Variants in PRTN3 observed in about 807,000 individuals in gnomAD.
PRTN3 encodes the protein myeloblastin.
In PRTN3, 22 loss-of-function variants were observed where a neutral mutation model predicts 20.7. That is an observed-to-expected ratio of 1.06 (90% CI 0.76 to 1.52). The LOEUF (loss-of-function observed/expected upper bound fraction) is 1.52, where lower values mean the gene tolerates loss of function less well. Among genes scored for constraint, PRTN3 ranks in the 40% most tolerant of loss-of-function variants. The probability of loss-of-function intolerance (pLI) is 0.00; values close to 1 mark genes in which losing one functional copy is unlikely to be tolerated. For missense variants in PRTN3, 378 were observed against 359.6 expected, an observed-to-expected ratio of 1.05 and a Z score of -0.41; for synonymous variants, 173 against 152.9, an observed-to-expected ratio of 1.13 and a Z score of -0.97.
In PRTN3 at chr19:846,390, G is replaced by A. The variant is rs2035517346; in HGVS notation, c.600+13G>A. 4 of 1,547,936 alleles carry A rather than the reference G, an allele frequency of 2.6e-6. No homozygotes were observed. Among genetic ancestry groups the A allele is most frequent in the Middle Eastern group, 3.4e-4 (2 of 5,876 alleles). On this transcript the variant is annotated intron_variant, in intron 4 of 4. Coordinates refer to ENST00000234347, the MANE Select transcript of PRTN3 (RefSeq NM_002777.4). The stretch of plus-strand genomic sequence containing the variant: ...CGGCATCTGCTTCGTAAGTAACCGT[G>A]CCCCCACCCCGGGCACCGGGCTGCC...
In PRTN3 at chr19:847,780, G is replaced by A. The variant is rs1456736515; in HGVS notation, c.601-19G>A. On this transcript the variant is annotated intron_variant, in intron 4 of 4. Coordinates refer to ENST00000234347, the MANE Select transcript of PRTN3 (RefSeq NM_002777.4). ...CTCAGGTGGCCCCTGATGGGTGACT[G>A]GCCGTCCCTGTCCTCCAGGGAGACT... is the stretch of plus-strand genomic sequence containing the variant. 1 of 1,598,586 alleles carries A rather than the reference G, an allele frequency of 6.3e-7. No homozygotes were observed. The highest frequency in any genetic ancestry group is 8.5e-7 in the Non-Finnish European group (1 of 1,171,490).
At position 843,466 on chromosome 19, in the gene PRTN3, G is replaced by A; in HGVS notation, c.67G>A (p.Ala23Thr). 6.4e-7 allele frequency: 1 copy of A among 1,563,878 alleles called. No individual in the cohort carries two copies. Among genetic ancestry groups the A allele is most frequent in the South Asian group, 1.2e-5 (1 of 85,820 alleles). The change falls in exon 2 of 5, where the codon GCC becomes ACC. Residue 23 changes from alanine (A) to threonine (T), a missense_variant. Physicochemically the swap from Ala to Thr is moderately conservative, Grantham distance 58. Transcript: ENST00000234347. Reference protein sequence around the residue: ...VLLALLLSGAARAAEIVGGHE... With the variant: ...VLLALLLSGATRAAEIVGGHE... ...CCTGGACTCCCCCCCTGCAGGTGCT[G>A]CCCGAGCTGCGGAGATCGTGGGCGG...
Position 846,435 on chromosome 19 carries a change from G to T in PRTN3, c.600+58G>T, listed in dbSNP as rs2035518228. 40 of 1,489,116 alleles carry T rather than the reference G, an allele frequency of 2.7e-5. 1 individual carries two copies. The South Asian group carries it at 4.4e-4, about 16-fold the overall frequency. 92.2% of individuals were successfully genotyped at this position (1,489,116 alleles called of 1,614,324 possible). A position where few individuals can be genotyped will look rare whatever the true frequency, so the allele number is the denominator to read the frequency against. Reference sequence around the variant, plus strand: ...GCTGCCATGAGGGGAGGAGGGCGGCGGCCAGGGTTCCACGCCACCTCTTAG... The same window carrying T: ...GCTGCCATGAGGGGAGGAGGGCGGCTGCCAGGGTTCCACGCCACCTCTTAG... On this transcript the variant is annotated intron_variant, in intron 4 of 4. Transcript: ENST00000234347.
At chr19:847,472 GAGAA>G (rs926239347) in intron 4 of PRTN3, among the ~76,000 whole-genome samples, 41 of 137,408 alleles carry the variant, frequency 3.0e-4, no homozygotes, top group African/African-American at 4.6e-4. Context: ...AAAACAAAAG[GAGAA>G]AGAAAGAAAG....
At chr19:846,798 A>C (rs889883221) in intron 4 of PRTN3, among the ~76,000 whole-genome samples, 3 of 152,116 alleles carry the variant, frequency 2.0e-5, no homozygotes, top group Non-Finnish European at 4.4e-5. Flanking sequence ...GCTGGAGTGC[A>C]GTGGTGAGAT....
At chr19:842,027 CT>C (rs919331270) in intron 1 of PRTN3, among the ~76,000 whole-genome samples, 1,274 of 111,532 alleles carry the variant, frequency 0.011, 9 homozygotes, top group Non-Finnish European at 0.017. Context: ...GCGCCTGGCC[CT>C]TTTTTTTTCT....
At position 846,431 on chromosome 19, in the gene PRTN3, C is replaced by T. The variant is rs542111448; in HGVS notation, c.600+54C>T. The T allele has an allele frequency of 7.0e-5, 105 of 1,502,086 alleles. 1 individual carries two copies. The highest frequency in any genetic ancestry group is 1.5e-4 in the East Asian group (6 of 40,112). The allele number at this position is 1,502,086 out of a possible 1,614,324, so 93.0% of individuals were successfully genotyped here. A position where few individuals can be genotyped will look rare whatever the true frequency, so the allele number is the denominator to read the frequency against. On this transcript the variant is annotated intron_variant, in intron 4 of 4. Coordinates refer to ENST00000234347, the MANE Select transcript of PRTN3 (RefSeq NM_002777.4). ...CCGGGCTGCCATGAGGGGAGGAGGG[C>T]GGCGGCCAGGGTTCCACGCCACCTC... is the stretch of plus-strand genomic sequence containing the variant.
At chr19:841,478 G>C (rs939457451) in intron 1 of PRTN3, among the ~76,000 whole-genome samples, 1 of 150,484 alleles carries the variant, frequency 6.6e-6, no homozygotes, top group African/African-American at 2.5e-5. Flanking sequence ...ATCAATGAGT[G>C]AGTGAATGAA....
chr19:847,874 A>G lies in PRTN3; in HGVS notation c.676A>G (p.Thr226Ala). 6.2e-7 allele frequency: 1 copy of G among 1,607,348 alleles called. No homozygotes were observed. Among genetic ancestry groups the G allele is most frequent in the South Asian group, 1.1e-5 (1 of 89,776 alleles). Residue 226 changes from threonine (T) to alanine (A), a missense_variant, in exon 5 of 5, where the codon ACC becomes GCC. By Grantham distance (58) the Thr-to-Ala change is moderately conservative. Coordinates refer to ENST00000234347, the MANE Select transcript of PRTN3 (RefSeq NM_002777.4). ...CTCCTTCGTGATCTGGGGATGTGCC[A>G]CCCGCCTTTTCCCTGACTTCTTCAC... Reference protein sequence around the residue: ...IDSFVIWGCATRLFPDFFTRV... With the variant: ...IDSFVIWGCAARLFPDFFTRV...
At chr19:845,491 G>T (rs1287986204) in intron 3 of PRTN3, among the ~76,000 whole-genome samples, 1 of 151,924 alleles carries the variant, frequency 6.6e-6, no homozygotes, top group Non-Finnish European at 1.5e-5. Context: ...GAGGCGGGCG[G>T]ATCGCCTGAG....
chr19:843,344 C>T, intron 1 of PRTN3, 117 bp from the exon 2 acceptor site: 1 of 1,135,422 alleles, frequency 8.8e-7, no homozygotes, highest in Non-Finnish European at 1.2e-6. Flanking sequence ...AGCCAGCAGG[C>T]ACTGACCGGG....
In PRTN3 at chr19:847,966, C is replaced by A; in HGVS notation, c.768C>A (p.Pro256=). The change falls in exon 5 of 5, where the codon CCC becomes CCA. Residue 256 remains proline, a synonymous_variant. Transcript: ENST00000234347. ...TLRRVEAKGR[P] is the part of the protein sequence containing the mutation. ...GCCGTGTGGAGGCCAAGGGCCGCCC[C>A]TGAACCGCCCCTCCCACAGCGCTGG... The A allele has an allele frequency of 6.3e-7, 1 of 1,598,162 alleles. No homozygotes were observed. Among genetic ancestry groups the A allele is most frequent in the East Asian group, 2.3e-5 (1 of 44,386 alleles).
chr19:843,613 T>A lies in PRTN3; in HGVS notation c.214T>A (p.Cys72Ser). 1 of 1,589,560 alleles carries A rather than the reference T, an allele frequency of 6.3e-7. No homozygotes were observed. The highest frequency in any genetic ancestry group is 8.5e-7 in the Non-Finnish European group (1 of 1,173,638). ...CAGCTTCGTGCTGACGGCCGCGCAC[T>A]GCCTGCGGGACATGTGAGCGGCCGC... ...HPSFVLTAAH[C>S]LRDIPQRLVN... The change falls in exon 2 of 5, where the codon TGC becomes AGC. Residue 72 changes from cysteine (C) to serine (S), a missense_variant. By Grantham distance (112) the Cys-to-Ser change is moderately radical. Coordinates refer to ENST00000234347, the MANE Select transcript of PRTN3 (RefSeq NM_002777.4).
At chr19:845,329 A>T (rs1358613625) in intron 3 of PRTN3, among the ~76,000 whole-genome samples, 1 of 152,038 alleles carries the variant, frequency 6.6e-6, no homozygotes, top group Non-Finnish European at 1.5e-5. Context: ...GGATCACTTG[A>T]GCCCAGGAGG....
intron 2 of PRTN3, 120 bp from the exon 3 acceptor site, chr19:843,773 A>G: frequency 2.8e-6 from 4 of 1,448,092 alleles, no homozygotes; most frequent in Non-Finnish European, 2.7e-6. Context: ...TTCTGGGGGG[A>G]GGCCCGGGGC....
rs915108103 is a variant in PRTN3, at chr19:841,210, T to C, written c.61+141T>C. 9 of 1,153,986 alleles carry C rather than the reference T, an allele frequency of 7.8e-6. No individual in the cohort carries two copies. The African/African-American group carries it at 1.4e-4, about 18-fold the overall frequency. The allele number at this position is 1,153,986 out of a possible 1,614,324, so 71.5% of individuals were successfully genotyped here. A position where few individuals can be genotyped will look rare whatever the true frequency, so the allele number is the denominator to read the frequency against. ...GGTCAGGGGAGACTCCACTCACTGC[T>C]CGGGACCAACGCTTGCAGGGGTGGG... On this transcript the variant is annotated intron_variant, in intron 1 of 4. Coordinates refer to ENST00000234347, the MANE Select transcript of PRTN3 (RefSeq NM_002777.4).
At chr19:845,388 G>A (rs1281665228) in intron 3 of PRTN3, among the ~76,000 whole-genome samples, 2 of 151,844 alleles carry the variant, frequency 1.3e-5, no homozygotes, top group South Asian at 2.1e-4. Flanking sequence ...CAGCCTCGGC[G>A]ACAGAGCAAG....
chr19:843,822 C>G, intron 2 of PRTN3, 71 bp from the exon 3 acceptor site: 1 of 1,506,570 alleles, frequency 6.6e-7, no homozygotes, highest in East Asian at 2.4e-5. Context: ...GCACCGCGGC[C>G]TCGGGAAGGG....
At chr19:843,731 C>T (rs2035475997) in intron 2 of PRTN3, 105 bp downstream of exon 2, 2 of 1,466,046 alleles carry the variant, frequency 1.4e-6, no homozygotes, top group South Asian at 1.4e-5. Flanking sequence ...TAAGCCCCGT[C>T]TGCAGACCCC....
Sources: allele counts gnomAD v4.1 joint callset (sites outside exome capture counted in the v4.1 genomes callset), GRCh38; gene constraint gnomAD v4.1.1; transcripts MANE v1.5; gene names NCBI Gene and HGNC (gene_info 2026-07-23, HGNC 2026-07-21).